Variants in CACNA1D observed in about 807,000 individuals in gnomAD.
CACNA1D encodes voltage-dependent L-type calcium channel subunit alpha-1D.
In CACNA1D, 55 loss-of-function variants were observed where a neutral mutation model predicts 257.1. The observed-to-expected ratio is 0.21, with a 90% CI of 0.17 to 0.27. The LOEUF (loss-of-function observed/expected upper bound fraction) is 0.27, where lower values mean the gene tolerates loss of function less well. Among genes scored for constraint, CACNA1D ranks in the 10% least tolerant of loss-of-function variants. The pLI is 1.00. For synonymous variants in CACNA1D, 980 were observed against 1,014.9 expected (o/e 0.97, Z 0.65); for missense variants, 1,876 against 2,784.0 (o/e 0.67, Z 7.34).
rs115860368 is a variant in CACNA1D at position 53,734,473 on chromosome 3, T to G, written c.2622-901T>G. Among the ~76,000 whole-genome samples, 551 of 152,286 alleles carry G rather than the reference T, an allele frequency of 3.6e-3. 7 individuals carry two copies. The highest frequency in any genetic ancestry group is 0.012 in the African/African-American group (512 of 41,542). ...TATATGTTTTATGTGTATACATATATGTACATATACATACATAAATACATA... is the reference window on the plus strand; with the variant it reads ...TATATGTTTTATGTGTATACATATAGGTACATATACATACATAAATACATA... On this transcript the variant is annotated intron_variant, in intron 19 of 47. Transcript: ENST00000350061.
rs532905191 is a variant in CACNA1D at position 53,661,945 on chromosome 3, A to G, written c.766+1670A>G. ...GTCTTGTATGAGGACTTTTGAGCTT[A>G]TATTTTTAACCACCTAGGTAGGGAA... On this transcript the variant is annotated intron_variant, in intron 5 of 47. Coordinates refer to ENST00000350061, the MANE Select transcript of CACNA1D (RefSeq NM_001128840.3). 7.8e-4 allele frequency among the ~76,000 whole-genome samples: 119 copies of G among 152,340 alleles called. No homozygotes were observed. In the Middle Eastern group the frequency reaches 0.01, roughly 13 times the overall value.
chr3:53,539,332 A>G (rs2092231714), intron 3 of CACNA1D, among the ~76,000 whole-genome samples: 2 of 150,466 alleles, frequency 1.3e-5, no homozygotes, highest in African/African-American at 2.5e-5. Context: ...CTGGCCTTGA[A>G]CTCCTGACCT....
intron 3 of CACNA1D, among the ~76,000 whole-genome samples, chr3:53,555,200 C>T (rs1163654260): frequency 6.6e-6 from 1 of 152,184 alleles, no homozygotes; most frequent in Admixed American, 6.5e-5. Flanking sequence ...ACTTATCAAA[C>T]ATTTAGTGTC....
intron 3 of CACNA1D, among the ~76,000 whole-genome samples, chr3:53,631,034 T>C (rs759257340): frequency 3.3e-5 from 5 of 152,220 alleles, no homozygotes; most frequent in African/African-American, 4.8e-5. Flanking sequence ...GTGAGGGGCT[T>C]TGCCTTGATG....
intron 39 of CACNA1D, among the ~76,000 whole-genome samples, chr3:53,783,526 C>T (rs929015234): frequency 1.3e-5 from 2 of 152,182 alleles, no homozygotes; most frequent in Non-Finnish European, 2.9e-5. Flanking sequence ...GTGTGAGGCA[C>T]AAGAAGAGAG....
intron 3 of CACNA1D, among the ~76,000 whole-genome samples, chr3:53,535,183 A>G (rs2092078020): frequency 6.6e-6 from 1 of 152,182 alleles, no homozygotes; most frequent in African/African-American, 2.4e-5. Context: ...CTCCTCTGGT[A>G]CAGCAGCACT....
At chr3:53,740,734 C>T (rs2095109405) in intron 21 of CACNA1D, among the ~76,000 whole-genome samples, 1 of 151,594 alleles carries the variant, frequency 6.6e-6, no homozygotes, top group African/African-American at 2.4e-5. Context: ...TTACATTTTG[C>T]TCATTTAAAA....
In CACNA1D at chr3:53,718,575, A is replaced by ACCCCCCGC. The variant is rs1220091353; in HGVS notation, c.1478+201_1478+208dup. 4.3e-3 allele frequency: 1,698 copies of ACCCCCCGC among 392,266 alleles called. 10 individuals carry two copies. In the African/African-American group the frequency reaches 0.048, roughly 11 times the overall value. 24.3% of individuals were successfully genotyped at this position (392,266 alleles called of 1,614,324 possible). On this transcript the variant is annotated intron_variant, in intron 10 of 47. Transcript: ENST00000350061. ...GGCTATCCCTCCTGCACACCTCCCCACCCCCCGCCCCCCCGCCCCCCGGCC... is the reference window on the plus strand; with the variant it reads ...GGCTATCCCTCCTGCACACCTCCCCACCCCCCGCCCCCCCGCCCCCCCGCCCCCCGGCC...
intron 4 of CACNA1D, among the ~76,000 whole-genome samples, chr3:53,656,977 C>A (rs1445991081): frequency 1.3e-5 from 2 of 152,132 alleles, no homozygotes; most frequent in African/African-American, 4.8e-5. Context: ...ATGGTATAAT[C>A]ACTTTGGAAA....
chr3:53,660,176 G>T lies in CACNA1D; in HGVS notation c.667G>T (p.Gly223Cys). ...ILEQLTKETE[G>C]GNHSSGKSGG... ...GGAACAATTAACCAAAGAAACAGAA[G>T]GCGGGAACCACTCAAGCGGCAAATC... Residue 223 changes from glycine to cysteine, a missense_variant, in exon 5 of 48, where the codon GGC (glycine) becomes TGC (cysteine). Physicochemically the swap from Gly to Cys is radical, Grantham distance 159 (BLOSUM62 -3). Transcript: ENST00000350061. The T allele has an allele frequency of 6.2e-7, 1 of 1,614,026 alleles. No individual in the cohort carries two copies. Among genetic ancestry groups the T allele is most frequent in the Non-Finnish European group, 8.5e-7 (1 of 1,179,882 alleles).
intron 8 of CACNA1D, among the ~76,000 whole-genome samples, chr3:53,693,226 C>T (rs183549536): frequency 6.6e-6 from 1 of 152,146 alleles, no homozygotes; most frequent in South Asian, 2.1e-4. Flanking sequence ...TGTCTTCCCC[C>T]CACAGACATT....
At chr3:53,589,246 G>A (rs1037702302) in intron 3 of CACNA1D, among the ~76,000 whole-genome samples, 1 of 152,212 alleles carries the variant, frequency 6.6e-6, no homozygotes, top group Non-Finnish European at 1.5e-5. Flanking sequence ...GTTGGTGAGA[G>A]AATAGTTGCG....
At chr3:53,628,858 A>G (rs1236026654) in intron 3 of CACNA1D, among the ~76,000 whole-genome samples, 1 of 152,234 alleles carries the variant, frequency 6.6e-6, no homozygotes, top group African/African-American at 2.4e-5. Flanking sequence ...TGCATATCTT[A>G]GCTATTAAGC....
chr3:53,761,742 G>A (rs990314293), intron 29 of CACNA1D, among the ~76,000 whole-genome samples: 11 of 150,680 alleles, frequency 7.3e-5, no homozygotes, highest in Non-Finnish European at 1.3e-4. Flanking sequence ...ACTCAGGACC[G>A]TGAGTGTGTG....
chr3:53,752,768 C>T (rs556227117), intron 28 of CACNA1D, among the ~76,000 whole-genome samples: 10 of 152,338 alleles, frequency 6.6e-5, no homozygotes, highest in African/African-American at 2.4e-4. Flanking sequence ...ATAAGTCACA[C>T]TCCTGTCCTC....
intron 3 of CACNA1D, among the ~76,000 whole-genome samples, chr3:53,594,936 A>T (rs963900759): frequency 6.6e-6 from 1 of 152,250 alleles, no homozygotes; most frequent in Admixed American, 6.5e-5. Context: ...TCACCCAGAT[A>T]TGAAAATCAG....
chr3:53,668,791 G>A (rs955149247), intron 7 of CACNA1D, among the ~76,000 whole-genome samples: 1 of 152,208 alleles, frequency 6.6e-6, no homozygotes, highest in Non-Finnish European at 1.5e-5. Flanking sequence ...CAATACATAA[G>A]CAAATGGATG....
chr3:53,585,054 GAT>G (rs2093191415), intron 3 of CACNA1D, among the ~76,000 whole-genome samples: 1 of 148,308 alleles, frequency 6.7e-6, no homozygotes, highest in African/African-American at 2.5e-5. Flanking sequence ...TTAAGGAAAA[GAT>G]GTGTCAATTT....
chr3:53,774,623 A>G lies in CACNA1D; in HGVS notation c.4147A>G (p.Ile1383Val), dbSNP rs374281844. ...AGTTGCCATGAGAGATAACAACCAG[A>G]TCAATAGGAACAATAACTTCCAGAC... is the stretch of plus-strand genomic sequence containing the variant. ...GKVAMRDNNQ[I>V]NRNNNFQTFP... Residue 1383 changes from isoleucine to valine, a missense_variant, in exon 34 of 48, where the codon ATC (isoleucine) becomes GTC (valine). Around this residue, in one of 10 missense-constraint regions of CACNA1D, gnomAD observed 204 missense variants for 309.4 expected, o/e 0.66. Transcript: ENST00000350061. The surrounding 1 kb of genome is among the most constrained non-coding windows in gnomAD (Gnocchi z 4.3). 2.5e-6 allele frequency: 4 copies of G among 1,612,244 alleles called. No individual in the cohort carries two copies. The highest frequency in any genetic ancestry group is 1.3e-5 in the African/African-American group (1 of 74,878).
Sources: gnomAD v4.1 joint callset for allele counts (sites outside exome capture counted in the v4.1 genomes callset) on GRCh38, gnomAD v4.1.1 for gene constraint, gnomAD v4.1.1 regional missense constraint, Gnocchi (gnomAD v3.1) non-coding constraint, MANE v1.5 for transcripts, NCBI Gene and HGNC (gene_info 2026-07-23, HGNC 2026-07-21) for gene names.